Variants in PPARGC1A observed in about 807,000 individuals in gnomAD.
PPARGC1A encodes PPARG coactivator 1 alpha.
Under a neutral mutation model 88.7 loss-of-function variants are expected in PPARGC1A, and 25 were observed. That is an observed-to-expected ratio of 0.28 (90% confidence interval 0.21 to 0.39). The LOEUF is 0.39. PPARGC1A is among the 10% of genes least tolerant of loss of function. The pLI is 1.00. For synonymous variants in PPARGC1A, 363 were observed against 355.6 expected (o/e 1.02, Z -0.24); for missense variants, 880 against 968.7 (o/e 0.91, Z 1.22).
chr4:23,899,208 A>T (rs1314183686), intron 1 of PPARGC1A: 1 of 152,236 alleles, frequency 6.6e-6, no homozygotes, highest in African/African-American at 2.4e-5. Context: ...GCCACCTAAA[A>T]ACAGGCCACA....
At chr4:23,887,967 G>A (rs573381766) in intron 1 of PPARGC1A, among the ~76,000 whole-genome samples, 8 of 152,122 alleles carry the variant, frequency 5.3e-5, no homozygotes, top group African/African-American at 9.6e-5. Flanking sequence ...TGTGAAACAC[G>A]GGGCACTCCA....
chr4:24,443,701 G>T, the PPARGC1A span, among the ~76,000 whole-genome samples: 1 of 151,058 alleles, frequency 6.6e-6, no homozygotes, highest in Non-Finnish European at 1.5e-5. Flanking sequence ...GATTACAGGC[G>T]CCTGCCACCA....
At chr4:24,016,323 C>A in the PPARGC1A span, among the ~76,000 whole-genome samples, 3 of 152,236 alleles carry the variant, frequency 2.0e-5, no homozygotes, top group South Asian at 6.2e-4. Flanking sequence ...GAAAGCAGCA[C>A]TTTTTCACTT....
chr4:23,827,162 C>G (rs1426185555), intron 5 of PPARGC1A, among the ~76,000 whole-genome samples: 1 of 152,138 alleles, frequency 6.6e-6, no homozygotes, highest in Non-Finnish European at 1.5e-5. Flanking sequence ...TTTTCCCAAA[C>G]TGACAGAAAG....
the PPARGC1A span, among the ~76,000 whole-genome samples, chr4:24,033,251 C>T: frequency 2.0e-5 from 3 of 152,272 alleles, no homozygotes; most frequent in South Asian, 6.2e-4. Context: ...TTAGAATAGT[C>T]CCTCCCTCAA....
At chr4:23,888,855 C>T (rs1394426167) in intron 1 of PPARGC1A, 2 of 863,544 alleles carry the variant, frequency 2.3e-6, no homozygotes, top group Non-Finnish European at 2.8e-6. Flanking sequence ...CCCCCAGCTA[C>T]CCAGAGGAAA....
chr4:24,242,052 C>T, the PPARGC1A span, among the ~76,000 whole-genome samples: 3 of 152,172 alleles, frequency 2.0e-5, no homozygotes, highest in African/African-American at 4.8e-5. Flanking sequence ...TATTGATTCT[C>T]TCCTGCTTAA....
chr4:24,224,962 G>A, the PPARGC1A span, among the ~76,000 whole-genome samples: 3 of 152,188 alleles, frequency 2.0e-5, no homozygotes, highest in African/African-American at 7.2e-5. Flanking sequence ...AAGGCCCTGA[G>A]GTAGAAGCAT....
the PPARGC1A span, among the ~76,000 whole-genome samples, chr4:24,211,702 C>T: frequency 6.6e-6 from 1 of 152,144 alleles, no homozygotes; most frequent in South Asian, 2.1e-4. Flanking sequence ...AGTTGCTTAA[C>T]CATTTTGTCC....
chr4:23,865,577 G>T (rs889839220), intron 2 of PPARGC1A, among the ~76,000 whole-genome samples: 2 of 152,092 alleles, frequency 1.3e-5, no homozygotes, highest in East Asian at 3.9e-4. Context: ...TCCTTGGGTG[G>T]CATTCTATCA....
chr4:24,468,574 T>C, the PPARGC1A span, among the ~76,000 whole-genome samples: 4 of 152,128 alleles, frequency 2.6e-5, no homozygotes, highest in Non-Finnish European at 5.9e-5. Flanking sequence ...TAATACACAT[T>C]GGGCTCTCTC....
At chr4:24,140,405 T>C in the PPARGC1A span, among the ~76,000 whole-genome samples, 1 of 152,210 alleles carries the variant, frequency 6.6e-6, no homozygotes, top group South Asian at 2.1e-4. Context: ...ATTTCTTTTG[T>C]TCACAACAAT....
the PPARGC1A span, among the ~76,000 whole-genome samples, chr4:24,394,948 T>C: frequency 6.6e-6 from 1 of 152,198 alleles, no homozygotes; most frequent in African/African-American, 2.4e-5. Flanking sequence ...TCAAAAACAA[T>C]GAAAAAGCAT....
the PPARGC1A span, among the ~76,000 whole-genome samples, chr4:24,014,999 G>A: frequency 6.6e-6 from 1 of 152,136 alleles, no homozygotes; most frequent in African/African-American, 2.4e-5. Context: ...GAGCAATGTT[G>A]CAATTCTCAC....
the PPARGC1A span, among the ~76,000 whole-genome samples, chr4:24,353,985 T>C: frequency 0.18 from 27,229 of 152,162 alleles, 2,547 homozygotes; most frequent in South Asian, 0.23. Flanking sequence ...TACAAATTTA[T>C]TTTCTTACAG....
the PPARGC1A span, among the ~76,000 whole-genome samples, chr4:24,466,972 GAGAA>G: frequency 2.3e-5 from 2 of 85,930 alleles, no homozygotes; most frequent in African/African-American, 1.1e-4. Context: ...AAGAAAGAAA[GAGAA>G]AGAAAGAAAG....
chr4:23,912,734 T>G, the PPARGC1A span, among the ~76,000 whole-genome samples: 1 of 151,856 alleles, frequency 6.6e-6, no homozygotes, highest in Non-Finnish European at 1.5e-5. Context: ...TAAATGAGTT[T>G]CCAGCCTGCC....
the PPARGC1A span, among the ~76,000 whole-genome samples, chr4:24,057,574 G>A: frequency 6.6e-6 from 1 of 152,146 alleles, no homozygotes; most frequent in African/African-American, 2.4e-5. Context: ...ATCATTTACT[G>A]AATGTTGAAC....
chr4:23,968,236 G>A, the PPARGC1A span, among the ~76,000 whole-genome samples: 166 of 152,296 alleles, frequency 1.1e-3, no homozygotes, highest in African/African-American at 3.8e-3. Flanking sequence ...GTATTTTTAT[G>A]AGAATTAGAG....
Sources: allele counts gnomAD v4.1 joint callset (sites outside exome capture counted in the v4.1 genomes callset), GRCh38; gene constraint gnomAD v4.1.1; transcripts MANE v1.5; gene names NCBI Gene and HGNC (gene_info 2026-07-23, HGNC 2026-07-21).